PDE11A: variants seen among roughly 807,000 people sequenced by gnomAD.
The protein encoded by PDE11A is dual 3',5'-cyclic-AMP and -GMP phosphodiesterase 11A.
Under a neutral mutation model 100.5 loss-of-function variants are expected in PDE11A, and 100 were observed. That is an observed-to-expected ratio of 1.00 (90% confidence interval 0.85 to 1.18). PDE11A has a LOEUF of 1.18. Ranked by LOEUF, PDE11A falls within the 50% of genes most tolerant of loss-of-function variation. PDE11A has a pLI of 0.00. For missense variants in PDE11A, 1,141 were observed against 1,152.6 expected, an observed-to-expected ratio of 0.99 and a Z score of 0.15; for synonymous variants, 381 against 420.8, an observed-to-expected ratio of 0.91 and a Z score of 1.16.
At chr2:177,847,838 G>T (rs1017934757) in intron 5 of PDE11A, among the ~76,000 whole-genome samples, 2 of 152,138 alleles carry the variant, frequency 1.3e-5, no homozygotes, top group Non-Finnish European at 2.9e-5. Flanking sequence ...TTTTGCCTTT[G>T]CCCATACCCC....
intron 10 of PDE11A, among the ~76,000 whole-genome samples, chr2:177,733,126 T>A (rs1438684777): frequency 6.6e-6 from 1 of 152,214 alleles, no homozygotes; most frequent in Non-Finnish European, 1.5e-5. Context: ...ACTCTAGCCA[T>A]AGGATATTAA....
chr2:178,043,994 T>C (rs2086714441), intron 1 of PDE11A, among the ~76,000 whole-genome samples: 1 of 152,138 alleles, frequency 6.6e-6, no homozygotes, highest in African/African-American at 2.4e-5. Flanking sequence ...AAGAAACTTG[T>C]CAGTGGTACA....
chr2:178,034,733 C>A (rs1205120604), intron 1 of PDE11A, among the ~76,000 whole-genome samples: 1 of 152,130 alleles, frequency 6.6e-6, no homozygotes, highest in Non-Finnish European at 1.5e-5. Flanking sequence ...CTAAAAACCG[C>A]ACAACTACAT....
chr2:178,066,252 G>T (rs1053396024), intron 1 of PDE11A, among the ~76,000 whole-genome samples: 2 of 152,118 alleles, frequency 1.3e-5, no homozygotes, highest in Admixed American at 1.3e-4. Flanking sequence ...AGTAGACAAG[G>T]CTGGATTAAG....
At chr2:177,894,901 C>T (rs535131829) in intron 4 of PDE11A, among the ~76,000 whole-genome samples, 1 of 152,244 alleles carries the variant, frequency 6.6e-6, no homozygotes, top group South Asian at 2.1e-4. Flanking sequence ...CCCTTCGGAC[C>T]AAACCAATAT....
At chr2:177,682,310 T>C (rs534808400) in intron 15 of PDE11A, among the ~76,000 whole-genome samples, 1 of 152,360 alleles carries the variant, frequency 6.6e-6, no homozygotes, top group Non-Finnish European at 1.5e-5. Flanking sequence ...TGATGTCTTA[T>C]GTCTCCCTAA....
intron 12 of PDE11A, among the ~76,000 whole-genome samples, chr2:177,721,013 T>C (rs1036217488): frequency 2.0e-5 from 3 of 152,162 alleles, no homozygotes; most frequent in Admixed American, 2.0e-4. Flanking sequence ...TTACATATGT[T>C]GCGTAGATGT....
chr2:177,696,001 G>A (rs111283023), intron 15 of PDE11A, among the ~76,000 whole-genome samples: 1 of 152,266 alleles, frequency 6.6e-6, no homozygotes, highest in African/African-American at 2.4e-5. Context: ...GATACATCAG[G>A]GCACAGGGGG....
intron 6 of PDE11A, among the ~76,000 whole-genome samples, chr2:177,836,780 A>C (rs2105616023): frequency 6.6e-6 from 1 of 152,308 alleles, no homozygotes; most frequent in Non-Finnish European, 1.5e-5. Flanking sequence ...GACGGGAGGA[A>C]CAAACAACTC....
chr2:177,873,343 AT>A (rs1423237387), intron 5 of PDE11A, among the ~76,000 whole-genome samples: 1 of 152,140 alleles, frequency 6.6e-6, no homozygotes, highest in Non-Finnish European at 1.5e-5. Flanking sequence ...TTTCTATCGT[AT>A]TTCATGTTGT....
chr2:177,698,220 AG>A (rs2081144525), intron 14 of PDE11A, among the ~76,000 whole-genome samples: 1 of 152,228 alleles, frequency 6.6e-6, no homozygotes. Flanking sequence ...TTCTTGGCAC[AG>A]TGGGACTCTA....
At chr2:177,725,495 C>T (rs1426943627) in intron 12 of PDE11A, among the ~76,000 whole-genome samples, 1 of 152,054 alleles carries the variant, frequency 6.6e-6, no homozygotes, top group Non-Finnish European at 1.5e-5. Flanking sequence ...CTCCACCCAC[C>T]CTCCTTAGAG....
chr2:177,845,515 C>G (rs1433606519), intron 5 of PDE11A, among the ~76,000 whole-genome samples: 32 of 149,396 alleles, frequency 2.1e-4, no homozygotes, highest in Admixed American at 4.0e-4. Context: ...GATGGGATGG[C>G]GGCCGGGCGG....
intron 1 of PDE11A, among the ~76,000 whole-genome samples, chr2:178,037,273 C>T (rs1488842569): frequency 6.6e-6 from 1 of 152,154 alleles, no homozygotes; most frequent in Admixed American, 6.5e-5. Flanking sequence ...TGAAAAAAAG[C>T]TCATCATCAC....
chr2:177,770,895 T>C (rs1046851695), intron 9 of PDE11A, among the ~76,000 whole-genome samples: 3 of 152,202 alleles, frequency 2.0e-5, no homozygotes, highest in Non-Finnish European at 2.9e-5. Flanking sequence ...AGTGTGATCA[T>C]AGCTCACTGA....
intron 9 of PDE11A, among the ~76,000 whole-genome samples, chr2:177,797,744 T>C (rs1467638007): frequency 2.0e-5 from 3 of 152,310 alleles, no homozygotes; most frequent in African/African-American, 4.8e-5. Flanking sequence ...GGCAAATCAT[T>C]TGAGAGCAGA....
At chr2:177,758,461 C>T (rs545412707) in intron 10 of PDE11A, among the ~76,000 whole-genome samples, 51 of 152,094 alleles carry the variant, frequency 3.4e-4, no homozygotes, top group African/African-American at 1.0e-3. Flanking sequence ...TCTAGGGAAG[C>T]GAAAAGCACC....
intron 5 of PDE11A, among the ~76,000 whole-genome samples, chr2:177,845,315 G>T (rs1203227365): frequency 2.0e-5 from 3 of 149,912 alleles, no homozygotes; most frequent in African/African-American, 7.4e-5. Context: ...CTTCTCAGAC[G>T]GGGCGGCCGG....
chr2:177,858,971 T>A (rs1314135867), intron 5 of PDE11A, among the ~76,000 whole-genome samples: 1 of 152,018 alleles, frequency 6.6e-6, no homozygotes, highest in East Asian at 1.9e-4. Flanking sequence ...CTGGAAACCA[T>A]CATTCTCAGC....
Sources: allele counts gnomAD v4.1 joint callset (sites outside exome capture counted in the v4.1 genomes callset), GRCh38; gene constraint gnomAD v4.1.1; transcripts MANE v1.5; gene names NCBI Gene and HGNC (gene_info 2026-07-23, HGNC 2026-07-21).